Variants in TMEM145 observed in about 807,000 individuals in gnomAD.
TMEM145 encodes transmembrane protein 145.
Under a neutral mutation model 68.5 loss-of-function variants are expected in TMEM145, and 46 were observed. The observed-to-expected ratio is 0.67, with a 90% confidence interval of 0.53 to 0.86. The LOEUF is 0.86. Ranked by LOEUF, TMEM145 falls within the 40% of genes least tolerant of loss-of-function variation. The pLI is 0.00. For missense variants in TMEM145, 570 were observed against 645.8 expected (o/e 0.88, Z 1.27); for synonymous variants, 255 against 280.2 (o/e 0.91, Z 0.90).
intron 5 of TMEM145, 62 bp downstream of exon 5, chr19:42,314,913 A>T (rs1049745771): frequency 1.5e-5 from 24 of 1,613,748 alleles, no homozygotes; most frequent in Non-Finnish European, 1.9e-5. Context: ...TGGGGTGGCC[A>T]CCTGGACCAC....
rs935097160 is a variant in TMEM145 at position 42,323,602 on chromosome 19, C to A, written c.1214C>A (p.Ala405Glu). ...CCTCAGATCATGACCCGCCCATCAG[C>A]GGCCAACAAGAACTTCCCGTACCAC... is the stretch of plus-strand genomic sequence containing the variant. The part of the protein sequence containing the change: ...GVFLIMTRPS[A>E]ANKNFPYHVR... The change falls in exon 14 of 15, where the codon GCG becomes GAG. Residue 405 changes from alanine (A) to glutamate (E), a missense_variant. Coordinates refer to ENST00000301204, the MANE Select transcript of TMEM145 (RefSeq NM_173633.3). 1 of 1,613,928 alleles carries A rather than the reference C, an allele frequency of 6.2e-7. No homozygotes were observed. Among genetic ancestry groups the A allele is most frequent in the African/African-American group, 1.3e-5 (1 of 74,928 alleles).
chr19:42,324,628 C>T, intron 14 of TMEM145, 109 bp from the exon 15 acceptor site: 1 of 886,114 alleles, frequency 1.1e-6, no homozygotes, highest in Non-Finnish European at 1.4e-6. Flanking sequence ...CCCCGGCCTT[C>T]CCGACCCTTC....
chr19:42,318,687 C>CAAA (rs140563915), intron 12 of TMEM145, among the ~76,000 whole-genome samples: 2 of 89,754 alleles, frequency 2.2e-5, no homozygotes, highest in Non-Finnish European at 5.1e-5. Context: ...ACTTCATCTT[C>CAAA]AAAAAAAAAA....
At position 42,316,475 on chromosome 19, in the gene TMEM145, C is replaced by A; in HGVS notation, c.647-6C>A. 1 of 1,613,978 alleles carries A rather than the reference C, an allele frequency of 6.2e-7. No homozygotes were observed. On this transcript the variant is annotated splice_region_variant and splice_polypyrimidine_tract_variant and intron_variant, in intron 8 of 14. Coordinates refer to ENST00000301204, the MANE Select transcript of TMEM145 (RefSeq NM_173633.3). ...ATCCTTTCTTATCTGCCCATCCTCC[C>A]CTCAGTCCTGAGCCTCCTATTTTTC...
In TMEM145 at chr19:42,317,869, C is replaced by T; in HGVS notation, c.1061C>T (p.Ala354Val). 6.2e-7 allele frequency: 1 copy of T among 1,614,172 alleles called. No individual in the cohort carries two copies. Among genetic ancestry groups the T allele is most frequent in the Non-Finnish European group, 8.5e-7 (1 of 1,180,024 alleles). The change falls in exon 12 of 15, where the codon GCC becomes GTC. Residue 354 changes from alanine to valine, a missense_variant. Transcript: ENST00000301204. ...CCTTTTTATGTGCCCTTCTTTGCTG[C>T]CTATACCCTCTGGTGAGAATTGGTG... ...KQPFYVPFFA[A>V]YTLWFFAVPV...
rs1048762879 is a variant in TMEM145 at position 42,314,151 on chromosome 19, G to C, written c.121-121G>C. On this transcript the variant is annotated intron_variant, in intron 1 of 14. Transcript: ENST00000301204. Reference sequence around the variant, plus strand: ...CAGGGAAGGAGTTTGGAGGTGACCTGGTCTCCTTCTAGTACTTGGGAAGCC... The same window carrying C: ...CAGGGAAGGAGTTTGGAGGTGACCTCGTCTCCTTCTAGTACTTGGGAAGCC... 22 of 983,430 alleles carry C rather than the reference G, an allele frequency of 2.2e-5. 1 individual carries two copies. The Admixed American group carries it at 3.9e-4, about 17-fold the overall frequency. 60.9% of individuals were successfully genotyped at this position (983,430 alleles called of 1,614,324 possible). A position where few individuals can be genotyped will look rare whatever the true frequency, so the allele number is the denominator to read the frequency against.
At chr19:42,323,885 A>G (rs1253504233) in intron 14 of TMEM145, 96 bp downstream of exon 14, 10 of 1,090,536 alleles carry the variant, frequency 9.2e-6, no homozygotes, top group Non-Finnish European at 1.3e-5. Flanking sequence ...CAGCGCCCGG[A>G]CCCCTGAGCC....
rs925017645 is a variant in TMEM145, at chr19:42,317,022, C to G, written c.900+59C>G. 4 of 1,461,808 alleles carry G rather than the reference C, an allele frequency of 2.7e-6. No homozygotes were observed. In the Admixed American group the frequency reaches 7.4e-5, roughly 27 times the overall value. 90.6% of individuals were successfully genotyped at this position (1,461,808 alleles called of 1,614,324 possible). A position where few individuals can be genotyped will look rare whatever the true frequency, so the allele number is the denominator to read the frequency against. ...TTCCCCTGCTTTTGGCGCCGCCTCC[C>G]CCTTGACCTGTCTGCTCGCCCTTGC... On this transcript the variant is annotated intron_variant, in intron 11 of 14. Coordinates refer to ENST00000301204, the MANE Select transcript of TMEM145 (RefSeq NM_173633.3).
intron 13 of TMEM145, 35 bp downstream of exon 13, chr19:42,320,472 G>A (rs1409522161): frequency 1.2e-6 from 2 of 1,612,714 alleles, no homozygotes; most frequent in African/African-American, 2.7e-5. Context: ...TGGAGGGGAG[G>A]ACCCGAGGGC....
At chr19:42,319,672 T>G (rs1464363123) in intron 12 of TMEM145, among the ~76,000 whole-genome samples, 1 of 151,976 alleles carries the variant, frequency 6.6e-6, no homozygotes, top group Non-Finnish European at 1.5e-5. Flanking sequence ...GGTCTGGAAC[T>G]CCTGACCTCA....
At position 42,314,986 on chromosome 19, in the gene TMEM145, C is replaced by A. The variant is rs1344532475; in HGVS notation, c.421-7C>A. The A allele has an allele frequency of 1.9e-6, 3 of 1,614,130 alleles. No individual in the cohort carries two copies. The highest frequency in any genetic ancestry group is 1.3e-5 in the African/African-American group (1 of 75,026). ...GGGCCCCCCTTAGGCCTCCCTACCC[C>A]CCACAGGGTGATGGATTGCAGCTGG... On this transcript the variant is annotated splice_region_variant and splice_polypyrimidine_tract_variant and intron_variant, in intron 5 of 14. Coordinates refer to ENST00000301204, the MANE Select transcript of TMEM145 (RefSeq NM_173633.3).
chr19:42,324,817 AC>A lies in TMEM145; in HGVS notation c.*4del. 5.8e-6 allele frequency: 9 copies of A among 1,556,384 alleles called. No homozygotes were observed. The highest frequency in any genetic ancestry group is 6.9e-6 in the Non-Finnish European group (8 of 1,158,498). On this transcript the variant is annotated 3_prime_UTR_variant, in exon 15 of 15. Coordinates refer to ENST00000301204, the MANE Select transcript of TMEM145 (RefSeq NM_173633.3). ...CCCCTGGCCCCCTTCGAGACCTCTGACCCCGCTGGACTCCGGAACACCCGTG... is the reference window on the plus strand; with the variant it reads ...CCCCTGGCCCCCTTCGAGACCTCTGACCCGCTGGACTCCGGAACACCCGTG...
At chr19:42,316,772 T>C (rs1205174791) in intron 10 of TMEM145, 32 bp downstream of exon 10, 1 of 1,173,338 alleles carries the variant, frequency 8.5e-7, no homozygotes, top group Non-Finnish European at 1.2e-6. Flanking sequence ...GTGGGGCGGC[T>C]GGTGGGGGAG....
intron 8 of TMEM145, among the ~76,000 whole-genome samples, chr19:42,316,059 T>A (rs2038853488): frequency 6.7e-6 from 1 of 149,346 alleles, no homozygotes; most frequent in Admixed American, 6.7e-5. Flanking sequence ...AACAAAACAA[T>A]AAAGGCCTGA....
chr19:42,316,420 G>A, intron 8 of TMEM145, 61 bp from the exon 9 acceptor site: 2 of 1,513,818 alleles, frequency 1.3e-6, no homozygotes, highest in Non-Finnish European at 1.8e-6. Flanking sequence ...GGTAGTGCTA[G>A]AGAACAGTGA....
intron 14 of TMEM145, chr19:42,324,442 C>T: frequency 3.0e-6 from 3 of 985,422 alleles, no homozygotes; most frequent in Non-Finnish European, 3.6e-6. Context: ...ACCAGCCGCT[C>T]GTGCCCCAGA....
chr19:42,322,618 C>G (rs1455444485), intron 13 of TMEM145, among the ~76,000 whole-genome samples: 4 of 152,104 alleles, frequency 2.6e-5, no homozygotes, highest in African/African-American at 9.7e-5. Context: ...GGAGTCACAC[C>G]CAGTCCCTGC....
Position 42,313,722 on chromosome 19 carries a change from G to A in TMEM145, c.120+226G>A, listed in dbSNP as rs1407665721. The stretch of plus-strand genomic sequence containing the variant: ...TTGTAGGAGGGACGTTGAGGTCAGA[G>A]CTGAGCGGGGAGGGGGAGCGGGTTG... On this transcript the variant is annotated intron_variant, in intron 1 of 14. Coordinates refer to ENST00000301204, the MANE Select transcript of TMEM145 (RefSeq NM_173633.3). This position sits in a 1 kb window ranked among gnomAD's most constrained non-coding sequence, Gnocchi z 5.1. Among the ~76,000 whole-genome samples, 1 of 152,112 alleles carries A rather than the reference G, an allele frequency of 6.6e-6. No homozygotes were observed. The highest frequency in any genetic ancestry group is 2.4e-5 in the African/African-American group (1 of 41,432).
chr19:42,323,507 C>T (rs960895671), intron 13 of TMEM145, 76 bp from the exon 14 acceptor site: 1 of 1,447,434 alleles, frequency 6.9e-7, no homozygotes, highest in African/African-American at 1.4e-5. Context: ...AAAGGGAATC[C>T]TTCGGACCCC....
Sources: gnomAD v4.1 joint callset for allele counts (sites outside exome capture counted in the v4.1 genomes callset) on GRCh38, gnomAD v4.1.1 for gene constraint, Gnocchi (gnomAD v3.1) non-coding constraint, MANE v1.5 for transcripts, NCBI Gene and HGNC (gene_info 2026-07-23, HGNC 2026-07-21) for gene names.